Variants in KIF6 observed in about 807,000 individuals in gnomAD.
The protein encoded by KIF6 is kinesin family member 6, also known as kinesin-like protein KIF6.
A neutral mutation model predicts 112.7 loss-of-function variants in KIF6; 106 were observed. The ratio of observed to expected loss-of-function variants is 0.94; its 90% confidence interval spans 0.80 to 1.11. KIF6 has a LOEUF of 1.11. KIF6 is among the 50% of genes least tolerant of loss of function. The pLI is 0.00. For synonymous variants in KIF6, 339 were observed against 339.9 expected (o/e 1.00, Z 0.03); for missense variants, 929 against 964.0 (o/e 0.96, Z 0.48).
rs1380418002 is a variant in KIF6 at position 39,544,701 on chromosome 6, A to G, written c.1288-8T>C. On this transcript the variant is annotated splice_polypyrimidine_tract_variant and splice_region_variant and intron_variant, in intron 11 of 22. Transcript: ENST00000287152. ...CTTGTCATTCAATAGTTTCTGTAAGATAAAATAAGAGCTTAGTACCCATAT... is the reference window on the plus strand; with the variant it reads ...CTTGTCATTCAATAGTTTCTGTAAGGTAAAATAAGAGCTTAGTACCCATAT... 4 of 1,561,050 alleles carry G rather than the reference A, an allele frequency of 2.6e-6. No homozygotes were observed. In the South Asian group the frequency reaches 4.7e-5, roughly 18 times the overall value.
chr6:39,356,593 T>C (rs1247093351), intron 19 of KIF6, among the ~76,000 whole-genome samples: 3 of 152,166 alleles, frequency 2.0e-5, no homozygotes. Flanking sequence ...AGCCCTATTT[T>C]ATATTTCTAA....
chr6:39,590,419 ATGTGTGTGTG>A lies in KIF6; in HGVS notation c.847-4025_847-4016del, dbSNP rs56859720. Among the ~76,000 whole-genome samples, 3 of 94,748 alleles carry A rather than the reference ATGTGTGTGTG, an allele frequency of 3.2e-5. No individual in the cohort carries two copies. The East Asian group carries it at 8.5e-4, about 27-fold the overall frequency. 62.2% of individuals were successfully genotyped at this position (94,748 alleles called of 152,430 possible). Reference sequence around the variant, plus strand: ...TGATGATATATATATATGTGTGTGTATGTGTGTGTGTATATATATATATATATATATATTT... The same window carrying A: ...TGATGATATATATATATGTGTGTGTATATATATATATATATATATATATTT... On this transcript the variant is annotated intron_variant, in intron 7 of 22. Coordinates refer to ENST00000287152, the MANE Select transcript of KIF6 (RefSeq NM_145027.6).
rs1259371393 is a variant in KIF6, at chr6:39,378,135, G to A, written c.1861+7487C>T. ...TAAGCTCTGTTTTCACAGAAGTTGG[G>A]TCAAGGGGTAAACGCAGAGAAGCGT... On this transcript the variant is annotated intron_variant, in intron 16 of 22. Transcript: ENST00000287152. The surrounding 1 kb of genome is among the most constrained non-coding windows in gnomAD (Gnocchi z 5.0). Among the ~76,000 whole-genome samples, 1 of 152,020 alleles carries A rather than the reference G, an allele frequency of 6.6e-6. No homozygotes were observed.
intron 13 of KIF6, among the ~76,000 whole-genome samples, chr6:39,512,493 G>C (rs111582019): frequency 6.6e-6 from 1 of 152,166 alleles, no homozygotes; most frequent in African/African-American, 2.4e-5. Flanking sequence ...CATAGCCTTG[G>C]CTGCTTAGGT....
intron 3 of KIF6, among the ~76,000 whole-genome samples, chr6:39,711,909 G>A (rs1051961298): frequency 3.9e-5 from 6 of 152,044 alleles, no homozygotes; most frequent in African/African-American, 1.4e-4. Flanking sequence ...GAGAGAGCAA[G>A]ACAGAGACAG....
intron 13 of KIF6, among the ~76,000 whole-genome samples, chr6:39,473,901 A>G (rs917837898): frequency 6.6e-6 from 1 of 152,170 alleles, no homozygotes; most frequent in African/African-American, 2.4e-5. Context: ...ATCTTTTTCA[A>G]TGAATAATTT....
intron 16 of KIF6, among the ~76,000 whole-genome samples, chr6:39,375,143 T>C (rs1026813448): frequency 2.0e-5 from 3 of 152,232 alleles, no homozygotes; most frequent in African/African-American, 7.2e-5. Flanking sequence ...ATCTCACTTA[T>C]GTGAGAATCT....
intron 16 of KIF6, among the ~76,000 whole-genome samples, chr6:39,370,230 G>A (rs1263172629): frequency 6.6e-6 from 1 of 152,182 alleles, no homozygotes; most frequent in African/African-American, 2.4e-5. Context: ...CATCTTTATT[G>A]CACTGGACCA....
chr6:39,528,719 T>C (rs991366064), intron 13 of KIF6, among the ~76,000 whole-genome samples: 3 of 152,362 alleles, frequency 2.0e-5, no homozygotes, highest in Middle Eastern at 3.4e-3. Flanking sequence ...ATTTCACTAA[T>C]GATTGGTGAT....
chr6:39,429,865 A>T (rs1322369312), intron 14 of KIF6, among the ~76,000 whole-genome samples: 2 of 151,802 alleles, frequency 1.3e-5, no homozygotes, highest in African/African-American at 2.4e-5. Context: ...CCAAGATCAC[A>T]CCACTGCACT....
At chr6:39,649,917 G>A (rs1236408774) in intron 3 of KIF6, among the ~76,000 whole-genome samples, 6 of 152,190 alleles carry the variant, frequency 3.9e-5, no homozygotes, top group Non-Finnish European at 7.3e-5. Flanking sequence ...AAACAAGAAT[G>A]TTGGGTGCTT....
chr6:39,476,470 G>C (rs2150448219), intron 13 of KIF6, among the ~76,000 whole-genome samples: 1 of 152,284 alleles, frequency 6.6e-6, no homozygotes, highest in Non-Finnish European at 1.5e-5. Flanking sequence ...AACAACAGAA[G>C]CGAAGAAACT....
At chr6:39,431,317 G>C in intron 13 of KIF6, 156 bp from the exon 14 acceptor site, 1 of 585,670 alleles carries the variant, frequency 1.7e-6, no homozygotes, top group Non-Finnish European at 3.1e-6. Flanking sequence ...CTTCCAGCTG[G>C]CTGACAACCT....
intron 3 of KIF6, among the ~76,000 whole-genome samples, chr6:39,682,117 C>T (rs185044476): frequency 6.6e-6 from 1 of 152,270 alleles, no homozygotes; most frequent in Admixed American, 6.5e-5. Flanking sequence ...TCTCATGGAA[C>T]TTATGTATGA....
At chr6:39,558,250 A>G (rs889688730) in intron 10 of KIF6, among the ~76,000 whole-genome samples, 1 of 152,058 alleles carries the variant, frequency 6.6e-6, no homozygotes, top group Admixed American at 6.6e-5. Context: ...GATATGATCT[A>G]ATTACTTATT....
chr6:39,529,651 G>A (rs1214597694), intron 13 of KIF6, among the ~76,000 whole-genome samples: 1 of 152,154 alleles, frequency 6.6e-6, no homozygotes, highest in Non-Finnish European at 1.5e-5. Context: ...GCCAGGCGTG[G>A]TGGTGGGCGC....
At chr6:39,506,511 A>C (rs1248067217) in intron 13 of KIF6, among the ~76,000 whole-genome samples, 1 of 152,104 alleles carries the variant, frequency 6.6e-6, no homozygotes, top group East Asian at 1.9e-4. Context: ...CTGAACTTTA[A>C]ATAAAAGTTG....
intron 3 of KIF6, among the ~76,000 whole-genome samples, chr6:39,667,992 G>A (rs1429931375): frequency 1.3e-5 from 2 of 152,126 alleles, no homozygotes; most frequent in African/African-American, 4.8e-5. Context: ...AGATCTGGTT[G>A]TTTAAAAGTG....
intron 5 of KIF6, among the ~76,000 whole-genome samples, chr6:39,616,366 G>A (rs1345284987): frequency 1.3e-5 from 2 of 152,222 alleles, no homozygotes; most frequent in Middle Eastern, 3.4e-3. Context: ...GCTATCTTTT[G>A]TAACACATCC....
Sources: gnomAD v4.1 joint callset for allele counts (sites outside exome capture counted in the v4.1 genomes callset) on GRCh38, gnomAD v4.1.1 for gene constraint, Gnocchi (gnomAD v3.1) non-coding constraint, MANE v1.5 for transcripts, NCBI Gene and HGNC (gene_info 2026-07-23, HGNC 2026-07-21) for gene names.